EXOG: variants seen among roughly 807,000 people sequenced by gnomAD.
The protein encoded by EXOG is exo/endonuclease G.
EXOG carries 27 observed loss-of-function variants against 25.8 expected under a neutral mutation model. The observed-to-expected ratio is 1.05, with a 90% CI of 0.77 to 1.45. EXOG has a LOEUF of 1.45. EXOG is among the 40% of genes most tolerant of loss of function. The probability of loss-of-function intolerance (pLI) is 0.00; values close to 1 mark genes in which losing one functional copy is unlikely to be tolerated. For missense variants in EXOG, 458 were observed against 450.5 expected (o/e 1.02, Z -0.15); for synonymous variants, 133 against 167.0 (o/e 0.80, Z 1.57).
In EXOG at chr3:38,521,132, G is replaced by A. The variant is rs201706991; in HGVS notation, c.646-2769G>A. On this transcript the variant is annotated intron_variant, in intron 5 of 5. Coordinates refer to ENST00000287675, the MANE Select transcript of EXOG (RefSeq NM_005107.4). ...TATATTAGACAGATTAAAGATGTTT[G>A]CTTCCTAAGAACAAAGCAGACTGAA... 1.3e-5 allele frequency among the ~76,000 whole-genome samples: 2 copies of A among 152,208 alleles called. 1 individual carries two copies. The highest frequency in any genetic ancestry group is 3.8e-4 in the East Asian group (2 of 5,202).
At chr3:38,523,295 T>A in intron 5 of EXOG, 1 of 1,287,754 alleles carries the variant, frequency 7.8e-7, no homozygotes, top group Non-Finnish European at 1.0e-6. Flanking sequence ...GACTCACTCA[T>A]GGCATTCCTT....
intron 5 of EXOG, among the ~76,000 whole-genome samples, chr3:38,522,431 G>T (rs1397507244): frequency 6.6e-6 from 1 of 152,244 alleles, no homozygotes; most frequent in African/African-American, 2.4e-5. Context: ...GTTTTAGTTG[G>T]ATTATGTCAG....
At chr3:38,521,799 G>A (rs2060723351) in intron 5 of EXOG, among the ~76,000 whole-genome samples, 1 of 152,122 alleles carries the variant, frequency 6.6e-6, no homozygotes, top group South Asian at 2.1e-4. Flanking sequence ...TGAAGGTCTT[G>A]GTTCCCACTC....
intron 2 of EXOG, among the ~76,000 whole-genome samples, chr3:38,500,673 C>T (rs775238669): frequency 6.6e-5 from 10 of 152,138 alleles, no homozygotes; most frequent in Admixed American, 3.9e-4. Context: ...TCTCACCTCA[C>T]GATAGTGCAA....
Position 38,501,490 on chromosome 3 carries a change from C to T in EXOG, c.449C>T (p.Ser150Leu), listed in dbSNP as rs955544107. The T allele has an allele frequency of 3.1e-6, 5 of 1,613,668 alleles. No individual in the cohort carries two copies. Among genetic ancestry groups the T allele is most frequent in the African/African-American group, 1.3e-5 (1 of 74,884 alleles). Residue 150 changes from serine (S) to leucine (L), a missense_variant, in exon 3 of 6, where the codon TCA (serine) becomes TTA (leucine). Physicochemically the swap from Ser to Leu is moderately radical, Grantham distance 145. This residue lies in a region of EXOG where 275 missense variants were observed against 230.5 expected (regional missense o/e 1.19). Transcript: ENST00000287675. ...GCTCCAGCAGGAAATAACAAATTTT[C>T]AAGTGTAGGCATACTTTGGGGGAGG... ...HMAPAGNNKF[S>L]SKAMAETFYL...
chr3:38,504,650 A>G (rs746820128), intron 4 of EXOG, among the ~76,000 whole-genome samples: 67 of 152,020 alleles, frequency 4.4e-4, no homozygotes, highest in Non-Finnish European at 7.9e-4. Flanking sequence ...TGGCCAGGCT[A>G]GTCTTGAACT....
chr3:38,523,830 G>A, intron 5 of EXOG, 71 bp from the exon 6 acceptor site: 1 of 1,063,128 alleles, frequency 9.4e-7, no homozygotes, highest in Non-Finnish European at 1.4e-6. Flanking sequence ...CATTAAATAA[G>A]TATTTTTCAG....
At chr3:38,522,503 T>TTTTGC (rs1326743010) in intron 5 of EXOG, among the ~76,000 whole-genome samples, 1 of 152,142 alleles carries the variant, frequency 6.6e-6, no homozygotes, top group Non-Finnish European at 1.5e-5. Flanking sequence ...AGCCTTTTTG[T>TTTTGC]TTTGTTTTGT....
Position 38,521,161 on chromosome 3 carries a change from GA to G in EXOG, c.646-2736del. ...CCTAAGAACAAAGCAGACTGAATCAGAAAAGAGATTAGTGAGTGGCTAAGTT... is the reference window on the plus strand; with the variant it reads ...CCTAAGAACAAAGCAGACTGAATCAGAAAGAGATTAGTGAGTGGCTAAGTT... On this transcript the variant is annotated intron_variant, in intron 5 of 5. Coordinates refer to ENST00000287675, the MANE Select transcript of EXOG (RefSeq NM_005107.4). Among the ~76,000 whole-genome samples, 3 of 152,326 alleles carry G rather than the reference GA, an allele frequency of 2.0e-5. No individual in the cohort carries two copies. The South Asian group carries it at 6.2e-4, about 32-fold the overall frequency.
chr3:38,522,794 A>G lies in EXOG; in HGVS notation c.646-1107A>G, dbSNP rs571783315. On this transcript the variant is annotated intron_variant, in intron 5 of 5. Coordinates refer to ENST00000287675, the MANE Select transcript of EXOG (RefSeq NM_005107.4). Reference sequence around the variant, plus strand: ...GCTGGGATTACAGGCATGAGCCACCACACCTGGCCCAGATGCCAATTGGAA... The same window carrying G: ...GCTGGGATTACAGGCATGAGCCACCGCACCTGGCCCAGATGCCAATTGGAA... Among the ~76,000 whole-genome samples, 616 of 152,300 alleles carry G rather than the reference A, an allele frequency of 4.0e-3. 3 individuals carry two copies. The highest frequency in any genetic ancestry group is 0.013 in the African/African-American group (555 of 41,562).
intron 2 of EXOG, 44 bp from the exon 3 acceptor site, chr3:38,501,311 A>G (rs765379049): frequency 3.9e-5 from 61 of 1,583,154 alleles, no homozygotes; most frequent in Non-Finnish European, 3.1e-5. Context: ...CTTGAGGGAC[A>G]TTTGTCTACT....
chr3:38,508,715 C>CCT (rs929884662), intron 5 of EXOG, among the ~76,000 whole-genome samples: 2 of 148,702 alleles, frequency 1.3e-5, no homozygotes, highest in African/African-American at 5.0e-5. Context: ...GGAACCACCC[C>CCT]CCCCCCAAAA....
At chr3:38,508,133 AAAAAATAAAAAT>A (rs1436666149) in intron 5 of EXOG, among the ~76,000 whole-genome samples, 3 of 152,210 alleles carry the variant, frequency 2.0e-5, no homozygotes, top group Non-Finnish European at 4.4e-5. Flanking sequence ...TCCACCTCGA[AAAAAATAAAAAT>A]AAAAATAAAA....
At chr3:38,506,689 CTG>C (rs2060210347) in intron 4 of EXOG, among the ~76,000 whole-genome samples, 163 bp from the exon 5 acceptor site, 1 of 152,164 alleles carries the variant, frequency 6.6e-6, no homozygotes. Flanking sequence ...AGTAAGCAAA[CTG>C]GGAAAATAAT....
At position 38,526,271 on chromosome 3, in the gene EXOG, CAAGGCTTTCAGATA is replaced by C. The variant is rs1236052918; in HGVS notation, c.*1913_*1926del. The C allele has an allele frequency of 1.0e-6, 1 of 980,976 alleles. No individual in the cohort carries two copies. The highest frequency in any genetic ancestry group is 1.2e-6 in the Non-Finnish European group (1 of 826,134). The allele number at this position is 980,976 out of a possible 1,614,324, so 60.8% of individuals were successfully genotyped here. ...GGTGTGTTTGTTCTAAGAGAAATGC[CAAGGCTTTCAGATA>C]AAGATAAGATGATAATGATTGACAT... On this transcript the variant is annotated 3_prime_UTR_variant, in exon 6 of 6. Coordinates refer to ENST00000287675, the MANE Select transcript of EXOG (RefSeq NM_005107.4).
intron 5 of EXOG, among the ~76,000 whole-genome samples, chr3:38,519,040 G>C (rs761865109): frequency 2.0e-5 from 3 of 152,104 alleles, no homozygotes; most frequent in African/African-American, 4.8e-5. Context: ...ATGGAGAGAG[G>C]AGTTACAAGT....
In EXOG at chr3:38,524,147, A is replaced by G. The variant is rs774992455; in HGVS notation, c.892A>G (p.Thr298Ala). The G allele has an allele frequency of 3.2e-5, 52 of 1,614,010 alleles. No individual in the cohort carries two copies. The highest frequency in any genetic ancestry group is 4.2e-5 in the Non-Finnish European group (50 of 1,179,994). ...TATCCGGAATATCTGCTCTGTGGAC[A>G]CCTGTAAGCTCCTGGATTTCCAGGA... is the stretch of plus-strand genomic sequence containing the variant. ...SDIRNICSVDTCKLLDFQEFT... is the reference protein window; with the variant it reads ...SDIRNICSVDACKLLDFQEFT... Residue 298 changes from threonine (T) to alanine (A), a missense_variant, in exon 6 of 6, where the codon ACC (threonine) becomes GCC (alanine). Coordinates refer to ENST00000287675, the MANE Select transcript of EXOG (RefSeq NM_005107.4).
intron 5 of EXOG, among the ~76,000 whole-genome samples, chr3:38,514,969 A>G (rs1377531961): frequency 6.6e-6 from 1 of 152,048 alleles, no homozygotes; most frequent in Non-Finnish European, 1.5e-5. Context: ...ACAGGGTTTC[A>G]CCATGTTGGC....
At chr3:38,516,407 T>C (rs2060544168) in intron 5 of EXOG, among the ~76,000 whole-genome samples, 2 of 152,166 alleles carry the variant, frequency 1.3e-5, no homozygotes, top group African/African-American at 4.8e-5. Context: ...TATAGAAAGG[T>C]TATAAGAACA....
Sources: gnomAD v4.1 joint callset for allele counts (sites outside exome capture counted in the v4.1 genomes callset) on GRCh38, gnomAD v4.1.1 for gene constraint, gnomAD v4.1.1 regional missense constraint, MANE v1.5 for transcripts, NCBI Gene and HGNC (gene_info 2026-07-23, HGNC 2026-07-21) for gene names.